The following ABCA5 variants were observed in gnomAD, a reference collection of about 807,000 sequenced individuals.
The protein encoded by ABCA5 is cholesterol transporter ABCA5.
A neutral mutation model predicts 206.0 loss-of-function variants in ABCA5; 163 were observed. The ratio of observed to expected loss-of-function variants is 0.79; its 90% CI spans 0.70 to 0.90. The LOEUF (loss-of-function observed/expected upper bound fraction) is 0.90, where lower values mean the gene tolerates loss of function less well. Ranked by LOEUF, ABCA5 falls within the 40% of genes least tolerant of loss-of-function variation. The pLI is 0.00. For missense variants in ABCA5, 1,859 were observed against 1,912.9 expected (o/e 0.97, Z 0.53); for synonymous variants, 609 against 613.8 (o/e 0.99, Z 0.11).
intron 9 of ABCA5, among the ~76,000 whole-genome samples, chr17:69,298,148 T>G (rs1470147304): frequency 6.6e-6 from 1 of 150,632 alleles, no homozygotes; most frequent in African/African-American, 2.4e-5. Flanking sequence ...ATCGTGCCAC[T>G]GCACTCCAGC....
intron 28 of ABCA5, among the ~76,000 whole-genome samples, chr17:69,257,867 A>T (rs1032318581): frequency 6.6e-6 from 1 of 152,162 alleles, no homozygotes; most frequent in South Asian, 2.1e-4. Context: ...TTTGGGTAAT[A>T]GGATGGACTG....
At chr17:69,252,204 CG>C (rs2075022979) in intron 34 of ABCA5, among the ~76,000 whole-genome samples, 2 of 151,762 alleles carry the variant, frequency 1.3e-5, no homozygotes, top group African/African-American at 4.8e-5. Context: ...TTAATAGAGA[CG>C]GGGTTTCACC....
chr17:69,283,417 A>T (rs1009682165), intron 18 of ABCA5, among the ~76,000 whole-genome samples: 9 of 152,206 alleles, frequency 5.9e-5, no homozygotes, highest in Non-Finnish European at 1.3e-4. Flanking sequence ...TTAAAAATTC[A>T]AATCAGATCA....
intron 19 of ABCA5, among the ~76,000 whole-genome samples, chr17:69,277,275 G>A (rs1032350960): frequency 1.3e-5 from 2 of 151,920 alleles, no homozygotes; most frequent in Admixed American, 1.3e-4. Context: ...AAATAGAAAC[G>A]CAAAACAAAA....
chr17:69,305,011 T>C (rs191192628), intron 6 of ABCA5, among the ~76,000 whole-genome samples: 2 of 152,264 alleles, frequency 1.3e-5, no homozygotes, highest in African/African-American at 4.8e-5. Context: ...TAGGTAAAAG[T>C]GTAATCTGAT....
chr17:69,268,760 G>C (rs138405269), intron 22 of ABCA5: 3 of 152,146 alleles, frequency 2.0e-5, no homozygotes, highest in African/African-American at 7.2e-5. Flanking sequence ...AATAGAATCC[G>C]CAGTGCCTAG....
intron 24 of ABCA5, among the ~76,000 whole-genome samples, chr17:69,262,796 A>C (rs1409852169): frequency 2.0e-5 from 3 of 151,922 alleles, no homozygotes. Context: ...GTTTTTTGAG[A>C]ACTCTCCAAA....
intron 11 of ABCA5, among the ~76,000 whole-genome samples, chr17:69,293,966 G>A (rs1466248873): frequency 6.6e-6 from 1 of 151,586 alleles, no homozygotes; most frequent in Non-Finnish European, 1.5e-5. Context: ...TTAAAGAACA[G>A]TTCTTCACAA....
intron 25 of ABCA5, 129 bp from the exon 26 acceptor site, chr17:69,261,388 C>G (rs78123766): frequency 0.083 from 72,813 of 872,770 alleles, 3,598 homozygotes; most frequent in Non-Finnish European, 0.098. Flanking sequence ...ATTTAGCCAG[C>G]AAGCAACAAG....
At chr17:69,250,726 G>C (rs2075002880) in intron 35 of ABCA5, 105 bp from the exon 36 acceptor site, 1 of 803,474 alleles carries the variant, frequency 1.2e-6, no homozygotes, top group Admixed American at 3.6e-5. Context: ...TTTATATTTA[G>C]AGAAAAATTA....
At chr17:69,283,332 G>T (rs2075417025) in intron 18 of ABCA5, among the ~76,000 whole-genome samples, 1 of 152,064 alleles carries the variant, frequency 6.6e-6, no homozygotes, top group Non-Finnish European at 1.5e-5. Flanking sequence ...AACTATAGCA[G>T]TTTCCTAACT....
At chr17:69,257,353 C>CAAAAAAAAA (rs542087331) in intron 28 of ABCA5, among the ~76,000 whole-genome samples, 2 of 54,918 alleles carry the variant, frequency 3.6e-5, no homozygotes, top group Non-Finnish European at 7.8e-5. Context: ...GATTCCATCT[C>CAAAAAAAAA]AAAAAAAAAA....
intron 18 of ABCA5, 147 bp downstream of exon 18, chr17:69,283,806 T>A (rs2075421663): frequency 1.5e-6 from 1 of 666,604 alleles, no homozygotes; most frequent in Non-Finnish European, 2.1e-6. Flanking sequence ...CCTGCATTAC[T>A]CCTATCACTA....
At chr17:69,299,471 T>TACACAC (rs71144671) in intron 9 of ABCA5, among the ~76,000 whole-genome samples, 32,523 of 142,326 alleles carry the variant, frequency 0.23, 3,739 homozygotes, top group East Asian at 0.43. Context: ...CACACACACA[T>TACACAC]ACACACACAC....
chr17:69,271,069 A>G, intron 21 of ABCA5, 93 bp downstream of exon 21: 1 of 1,434,488 alleles, frequency 7.0e-7, no homozygotes, highest in Non-Finnish European at 9.3e-7. Context: ...TTTCTAACTC[A>G]TAAGGTCAAA....
At position 69,289,970 on chromosome 17, in the gene ABCA5, A is replaced by C; in HGVS notation, c.1674T>G (p.Ile558Met). 1 of 1,612,542 alleles carries C rather than the reference A, an allele frequency of 6.2e-7. No individual in the cohort carries two copies. Among genetic ancestry groups the C allele is most frequent in the Non-Finnish European group, 8.5e-7 (1 of 1,179,340 alleles). ...IDEMFEARKMIGICPQLDIHF... is the reference protein window; with the variant it reads ...IDEMFEARKMMGICPQLDIHF... ...GTATATCTAACTGTGGACAAATGCC[A>C]ATCATTTTTCTTGCTTCAAACATTT... Residue 558 changes from isoleucine to methionine, a missense_variant, in exon 13 of 39, where the codon ATT becomes ATG. By Grantham distance (10) the Ile-to-Met change is conservative (BLOSUM62 1). Transcript: ENST00000392676.
At position 69,256,684 on chromosome 17, in the gene ABCA5, G is replaced by A. The variant is rs190029874; in HGVS notation, c.3732-401C>T. Among the ~76,000 whole-genome samples, 29 of 151,908 alleles carry A rather than the reference G, an allele frequency of 1.9e-4. No individual in the cohort carries two copies. In the East Asian group the frequency reaches 5.2e-3, roughly 27 times the overall value. Reference sequence around the variant, plus strand: ...TTGCCCAGGCTGGTCTCAAACTCCTGGCCTCAAAAGATCCACCTGCCTCAG... The same window carrying A: ...TTGCCCAGGCTGGTCTCAAACTCCTAGCCTCAAAAGATCCACCTGCCTCAG... On this transcript the variant is annotated intron_variant, in intron 28 of 38. Coordinates refer to ENST00000392676, the MANE Select transcript of ABCA5 (RefSeq NM_172232.4).
Position 69,279,453 on chromosome 17 carries a change from C to G in ABCA5, c.2393-1611G>C, listed in dbSNP as rs1325620272. 2.0e-5 allele frequency among the ~76,000 whole-genome samples: 3 copies of G among 151,948 alleles called. No homozygotes were observed. The East Asian group carries it at 5.8e-4, about 29-fold the overall frequency. ...AACCAATATCGTGAAAATGGCCATACTGCCCAAGGTAATTTACAGATTCAA... is the reference window on the plus strand; with the variant it reads ...AACCAATATCGTGAAAATGGCCATAGTGCCCAAGGTAATTTACAGATTCAA... On this transcript the variant is annotated intron_variant, in intron 18 of 38. Coordinates refer to ENST00000392676, the MANE Select transcript of ABCA5 (RefSeq NM_172232.4).
chr17:69,294,266 T>C (rs991058775), intron 11 of ABCA5, among the ~76,000 whole-genome samples: 2 of 152,194 alleles, frequency 1.3e-5, no homozygotes, highest in African/African-American at 4.8e-5. Flanking sequence ...CTCATGCCTG[T>C]AATTCCAGCA....
Sources: gnomAD v4.1 joint callset for allele counts (sites outside exome capture counted in the v4.1 genomes callset) on GRCh38, gnomAD v4.1.1 for gene constraint, MANE v1.5 for transcripts, NCBI Gene and HGNC (gene_info 2026-07-23, HGNC 2026-07-21) for gene names.